CADM2: variants seen among roughly 807,000 people sequenced by gnomAD.
CADM2 encodes the protein immunoglobulin superfamily member 4D.
In CADM2, 12 loss-of-function variants were observed where a neutral mutation model predicts 49.8. The ratio of observed to expected loss-of-function variants is 0.24; its 90% CI spans 0.15 to 0.39. The LOEUF is 0.39. Ranked by LOEUF, CADM2 falls within the 10% of genes least tolerant of loss-of-function variation. The pLI is 1.00. For synonymous variants in CADM2, 214 were observed against 175.4 expected, an observed-to-expected ratio of 1.22 and a Z score of -1.74; for missense variants, 378 against 492.3, an observed-to-expected ratio of 0.77 and a Z score of 2.20.
chr3:85,608,020 G>A (rs1028679068), intron 1 of CADM2, among the ~76,000 whole-genome samples: 6 of 152,034 alleles, frequency 3.9e-5, no homozygotes, highest in East Asian at 3.9e-4. Flanking sequence ...TCATTACCTC[G>A]TAATTAGATT....
At chr3:86,023,024 C>A (rs1371789181) in intron 8 of CADM2, among the ~76,000 whole-genome samples, 2 of 152,070 alleles carry the variant, frequency 1.3e-5, no homozygotes, top group Admixed American at 6.6e-5. Context: ...AAAATTATTT[C>A]TCTGGTTGAG....
At chr3:85,473,130 A>G (rs2038837196) in intron 1 of CADM2, among the ~76,000 whole-genome samples, 1 of 152,088 alleles carries the variant, frequency 6.6e-6, no homozygotes, top group Non-Finnish European at 1.5e-5. Context: ...GCCAGTTACT[A>G]CAATGTGTTA....
At chr3:85,101,563 A>G (rs2038013919) in intron 1 of CADM2, among the ~76,000 whole-genome samples, 1 of 152,182 alleles carries the variant, frequency 6.6e-6, no homozygotes, top group African/African-American at 2.4e-5. Context: ...TTATCCTACT[A>G]AAATCATCAA....
chr3:84,976,557 G>A (rs2031833714), intron 1 of CADM2, among the ~76,000 whole-genome samples: 1 of 151,732 alleles, frequency 6.6e-6, no homozygotes, highest in South Asian at 2.1e-4. Context: ...TATATTTGGT[G>A]ATAATCTGGT....
chr3:85,994,586 C>A (rs968969778), intron 8 of CADM2: 2 of 152,198 alleles, frequency 1.3e-5, no homozygotes, highest in South Asian at 4.1e-4. Context: ...GCCTTCCTCA[C>A]TAAGCTTCAT....
intron 1 of CADM2, among the ~76,000 whole-genome samples, chr3:85,305,574 T>C (rs772464008): frequency 4.6e-5 from 7 of 151,760 alleles, no homozygotes; most frequent in Middle Eastern, 3.4e-3. Context: ...CGATTAAATC[T>C]GCCAGCTACC....
intron 3 of CADM2, among the ~76,000 whole-genome samples, chr3:85,850,760 G>A (rs561006043): frequency 6.6e-6 from 1 of 152,268 alleles, no homozygotes; most frequent in African/African-American, 2.4e-5. Flanking sequence ...ATCTTCGAAT[G>A]CTGAAGGGTT....
At chr3:86,002,603 A>C (rs1730324166) in intron 8 of CADM2, among the ~76,000 whole-genome samples, 1 of 152,176 alleles carries the variant, frequency 6.6e-6, no homozygotes, top group Admixed American at 6.5e-5. Context: ...AAACTTTCTA[A>C]AATTAAATTC....
intron 1 of CADM2, among the ~76,000 whole-genome samples, chr3:85,679,119 G>T (rs990155130): frequency 6.6e-6 from 1 of 151,916 alleles, no homozygotes; most frequent in African/African-American, 2.4e-5. Context: ...TAAATATATA[G>T]TATTAAATAT....
intron 3 of CADM2, 35 bp from the exon 4 acceptor site, chr3:85,883,256 T>C: frequency 1.9e-6 from 3 of 1,571,262 alleles, no homozygotes; most frequent in Non-Finnish European, 2.6e-6. Context: ...GTTTCTGATG[T>C]CCTTATTTAC....
At chr3:85,702,400 T>C (rs1300389383) in intron 1 of CADM2, among the ~76,000 whole-genome samples, 1 of 152,138 alleles carries the variant, frequency 6.6e-6, no homozygotes, top group East Asian at 1.9e-4. Flanking sequence ...GTCCTATCTA[T>C]CTAGTCCACA....
chr3:85,023,508 G>T (rs1029922164), intron 1 of CADM2, among the ~76,000 whole-genome samples: 2 of 151,782 alleles, frequency 1.3e-5, no homozygotes, highest in Admixed American at 6.6e-5. Context: ...GTATAGATTG[G>T]ATTTCTTGTT....
intron 2 of CADM2, among the ~76,000 whole-genome samples, chr3:85,728,675 T>C (rs189962596): frequency 1.3e-5 from 2 of 152,328 alleles, no homozygotes; most frequent in Non-Finnish European, 2.9e-5. Flanking sequence ...AAGAAGATTA[T>C]ATCTCATTTA....
chr3:85,421,088 C>T (rs778366602), intron 1 of CADM2, among the ~76,000 whole-genome samples: 1 of 152,018 alleles, frequency 6.6e-6, no homozygotes, highest in Non-Finnish European at 1.5e-5. Context: ...AATTTTAGAG[C>T]TGAGGTGAAA....
intron 8 of CADM2, among the ~76,000 whole-genome samples, chr3:86,003,150 G>A (rs758372879): frequency 6.6e-6 from 1 of 152,078 alleles, no homozygotes; most frequent in Non-Finnish European, 1.5e-5. Context: ...CTTTACTCTA[G>A]AGAAAATGGC....
At chr3:85,295,702 A>T (rs2043941991) in intron 1 of CADM2, among the ~76,000 whole-genome samples, 1 of 150,944 alleles carries the variant, frequency 6.6e-6, no homozygotes, top group African/African-American at 2.4e-5. Context: ...AAAAAACCAA[A>T]CACTCACAGG....
At chr3:85,272,544 A>G (rs1314577296) in intron 1 of CADM2, among the ~76,000 whole-genome samples, 2 of 151,418 alleles carry the variant, frequency 1.3e-5, no homozygotes, top group South Asian at 2.1e-4. Flanking sequence ...GAAGAATGAT[A>G]TTAAATACAG....
intron 1 of CADM2, among the ~76,000 whole-genome samples, chr3:85,638,470 G>T (rs1016400446): frequency 6.6e-6 from 1 of 151,900 alleles, no homozygotes; most frequent in Non-Finnish European, 1.5e-5. Flanking sequence ...ATGATTTTTA[G>T]AACAAGAGGT....
At chr3:85,108,952 A>C (rs1352322370) in intron 1 of CADM2, among the ~76,000 whole-genome samples, 3 of 152,076 alleles carry the variant, frequency 2.0e-5, no homozygotes, top group Non-Finnish European at 4.4e-5. Context: ...TAAAACCCTA[A>C]ATAAGAAGTA....
Sources: gnomAD v4.1 joint callset for allele counts (sites outside exome capture counted in the v4.1 genomes callset) on GRCh38, gnomAD v4.1.1 for gene constraint, MANE v1.5 for transcripts, NCBI Gene and HGNC (gene_info 2026-07-23, HGNC 2026-07-21) for gene names.